The following COL5A2 variants were observed in gnomAD, a reference collection of about 807,000 sequenced individuals.
The protein encoded by COL5A2 is collagen type V alpha 2 chain.
A neutral mutation model predicts 208.2 loss-of-function variants in COL5A2; 23 were observed. The observed-to-expected ratio is 0.11, with a 90% confidence interval of 0.08 to 0.16. The LOEUF (loss-of-function observed/expected upper bound fraction) is 0.16. Among genes scored for constraint, COL5A2 ranks in the 10% least tolerant of loss-of-function variants. COL5A2 has a pLI of 1.00. For missense variants in COL5A2, 1,590 were observed against 1,956.4 expected (o/e 0.81, Z 3.53); for synonymous variants, 625 against 628.5 (o/e 0.99, Z 0.08).
chr2:189,274,067 T>G, the COL5A2 span, among the ~76,000 whole-genome samples: 1 of 152,170 alleles, frequency 6.6e-6, no homozygotes, highest in East Asian at 1.9e-4. Context: ...GATTTAGCTG[T>G]TCTACAATGT....
At chr2:189,418,239 T>A in the COL5A2 span, among the ~76,000 whole-genome samples, 1 of 152,244 alleles carries the variant, frequency 6.6e-6, no homozygotes, top group Non-Finnish European at 1.5e-5. Context: ...AAATAATTTG[T>A]AATCTTCACT....
At chr2:189,275,900 A>AC in the COL5A2 span, among the ~76,000 whole-genome samples, 3 of 151,984 alleles carry the variant, frequency 2.0e-5, no homozygotes, top group South Asian at 2.1e-4. Context: ...CTTTCTAAAT[A>AC]CCCCCCAACT....
chr2:189,095,156 G>C (rs1229659908), intron 6 of COL5A2: 2 of 114,416 alleles, frequency 1.7e-5, no homozygotes, highest in Non-Finnish European at 4.0e-5. Flanking sequence ...TGGTGGGGGT[G>C]GGGGAATGCT....
At chr2:189,398,078 C>T in the COL5A2 span, among the ~76,000 whole-genome samples, 1 of 152,076 alleles carries the variant, frequency 6.6e-6, no homozygotes, top group African/African-American at 2.4e-5. Flanking sequence ...GCTCAATTTC[C>T]AATCACTTAG....
the COL5A2 span, among the ~76,000 whole-genome samples, chr2:189,239,975 T>C: frequency 6.6e-6 from 1 of 152,140 alleles, no homozygotes; most frequent in African/African-American, 2.4e-5. Context: ...ATAATAACTC[T>C]GTACTGTTTT....
chr2:189,274,193 A>T, the COL5A2 span, among the ~76,000 whole-genome samples: 14 of 152,150 alleles, frequency 9.2e-5, no homozygotes. Flanking sequence ...TTCTAATAAG[A>T]TAAATAAGGT....
chr2:189,289,727 G>C, the COL5A2 span, among the ~76,000 whole-genome samples: 1 of 152,020 alleles, frequency 6.6e-6, no homozygotes, highest in Non-Finnish European at 1.5e-5. Flanking sequence ...TAGTATTTCC[G>C]AACACCTAGG....
At chr2:189,098,392 T>C (rs1218738755) in intron 5 of COL5A2, among the ~76,000 whole-genome samples, 5 of 152,222 alleles carry the variant, frequency 3.3e-5, no homozygotes, top group Non-Finnish European at 5.9e-5. Context: ...TAGCCTACCA[T>C]TAATCATAGT....
the COL5A2 span, among the ~76,000 whole-genome samples, chr2:189,331,401 T>C: frequency 2.0e-5 from 3 of 152,102 alleles, no homozygotes; most frequent in African/African-American, 7.2e-5. Context: ...TGGTGGTGTG[T>C]GCCTGTAATC....
the COL5A2 span, among the ~76,000 whole-genome samples, chr2:189,342,468 T>C: frequency 6.7e-6 from 1 of 148,342 alleles, no homozygotes; most frequent in Middle Eastern, 3.3e-3. Context: ...ATATTTATGC[T>C]TCTATTTATT....
chr2:189,198,503 G>A (rs1689034065), intron 1 of COL5A2, among the ~76,000 whole-genome samples: 1 of 152,252 alleles, frequency 6.6e-6, no homozygotes, highest in African/African-American at 2.4e-5. Flanking sequence ...AAATCCAGTG[G>A]TGAAGAAAAG....
intron 10 of COL5A2, 73 bp from the exon 11 acceptor site, chr2:189,085,286 T>C (rs1686631841): frequency 8.5e-7 from 1 of 1,170,908 alleles, no homozygotes; most frequent in Admixed American, 2.0e-5. Flanking sequence ...TTCAAAACAT[T>C]ATTGAGACAA....
At chr2:189,283,595 T>A in the COL5A2 span, among the ~76,000 whole-genome samples, 2 of 151,890 alleles carry the variant, frequency 1.3e-5, no homozygotes, top group Admixed American at 6.6e-5. Flanking sequence ...TAATGTGGTA[T>A]CTCAGATGAG....
intron 51 of COL5A2, among the ~76,000 whole-genome samples, chr2:189,038,393 C>A (rs1685485464): frequency 6.6e-6 from 1 of 152,136 alleles, no homozygotes; most frequent in South Asian, 2.1e-4. Flanking sequence ...AATGTTCCAT[C>A]ATATATATGT....
intron 7 of COL5A2, among the ~76,000 whole-genome samples, chr2:189,092,008 T>C (rs1686797322): frequency 6.6e-6 from 1 of 152,098 alleles, no homozygotes; most frequent in Admixed American, 6.6e-5. Flanking sequence ...CTCATTTCAT[T>C]TAAAGAGGGG....
intron 1 of COL5A2, among the ~76,000 whole-genome samples, chr2:189,201,972 T>A (rs1456899848): frequency 6.6e-6 from 1 of 151,306 alleles, no homozygotes. Context: ...AAAAATAGAA[T>A]AAAACTAAAA....
chr2:189,045,195 C>T lies in COL5A2; in HGVS notation c.3347G>A (p.Gly1116Glu). ...AGAACTTACAGGTAATCCACGTTTC[C>T]CAGCTCGACCAGGTGGTCCTATAGG... ...RGPIGPPGRA[G>E]KRGLPGPQGP... is the part of the protein sequence containing the mutation. The change falls in exon 47 of 54, where the codon GGG becomes GAG. Residue 1116 changes from glycine to glutamate, a missense_variant. Coordinates refer to ENST00000374866, the MANE Select transcript of COL5A2 (RefSeq NM_000393.5). 6.2e-7 allele frequency: 1 copy of T among 1,605,016 alleles called. No homozygotes were observed.
chr2:189,399,151 T>C, the COL5A2 span, among the ~76,000 whole-genome samples: 1 of 152,204 alleles, frequency 6.6e-6, no homozygotes, highest in East Asian at 1.9e-4. Context: ...TAGGGATTAT[T>C]TTCCTTCTGT....
At chr2:189,068,410 T>G in intron 19 of COL5A2, 140 bp from the exon 20 acceptor site, 1 of 764,666 alleles carries the variant, frequency 1.3e-6, no homozygotes, top group Non-Finnish European at 2.2e-6. Context: ...ATCATAAAAA[T>G]TACTTTTTTG....
Sources: gnomAD v4.1 joint callset for allele counts (sites outside exome capture counted in the v4.1 genomes callset) on GRCh38, gnomAD v4.1.1 for gene constraint, MANE v1.5 for transcripts, NCBI Gene and HGNC (gene_info 2026-07-23, HGNC 2026-07-21) for gene names.